XPO7: variants seen among roughly 807,000 people sequenced by gnomAD.
XPO7 encodes exportin-7.
Under a neutral mutation model 144.3 loss-of-function variants are expected in XPO7, and 21 were observed. The observed-to-expected ratio is 0.15, with a 90% CI of 0.10 to 0.21. XPO7 has a LOEUF of 0.21. XPO7 is among the 10% of genes least tolerant of loss of function. The probability of loss-of-function intolerance (pLI) is 1.00; values close to 1 mark genes in which losing one functional copy is unlikely to be tolerated. For synonymous variants in XPO7, 580 were observed against 499.6 expected (o/e 1.16, Z -2.15); for missense variants, 808 against 1,325.8 (o/e 0.61, Z 6.06).
At chr8:21,999,741 G>A in intron 24 of XPO7, 67 bp downstream of exon 24, 1 of 1,593,696 alleles carries the variant, frequency 6.3e-7, no homozygotes, top group Non-Finnish European at 8.6e-7. Context: ...AACAGAAAGA[G>A]AGAATCTTGC....
chr8:21,952,490 T>C (rs1173604044), intron 1 of XPO7, among the ~76,000 whole-genome samples: 1 of 152,230 alleles, frequency 6.6e-6, no homozygotes, highest in African/African-American at 2.4e-5. Flanking sequence ...TGCTGACTTA[T>C]CTGTAGAGAC....
At chr8:21,920,309 G>A (rs1315123902) in intron 1 of XPO7, among the ~76,000 whole-genome samples, 1 of 150,676 alleles carries the variant, frequency 6.6e-6, no homozygotes, top group East Asian at 1.9e-4. Flanking sequence ...CAGCAACCCC[G>A]GCCTCCTTCC....
intron 1 of XPO7, among the ~76,000 whole-genome samples, chr8:21,926,823 T>C (rs1438861133): frequency 6.6e-6 from 1 of 152,210 alleles, no homozygotes; most frequent in Non-Finnish European, 1.5e-5. Flanking sequence ...TTATTTAGAA[T>C]GTAATGTTCG....
chr8:22,004,102 C>G (rs1181027747), intron 27 of XPO7, 72 bp downstream of exon 27: 10 of 1,582,902 alleles, frequency 6.3e-6, no homozygotes, highest in Non-Finnish European at 7.8e-6. Flanking sequence ...CAGGCAGTTG[C>G]TTTAAAGTCT....
Position 21,987,129 on chromosome 8 carries a change from C to T in XPO7, c.1578-12C>T. The T allele has an allele frequency of 6.2e-7, 1 of 1,613,546 alleles. No homozygotes were observed. The highest frequency in any genetic ancestry group is 1.1e-5 in the South Asian group (1 of 91,054). ...CCTGCTGTTGAGAGAATCATTGCTCCTCTTCCTCCAGGGTGCTCCAGCTGA... is the reference window on the plus strand; with the variant it reads ...CCTGCTGTTGAGAGAATCATTGCTCTTCTTCCTCCAGGGTGCTCCAGCTGA... On this transcript the variant is annotated splice_polypyrimidine_tract_variant and intron_variant, in intron 13 of 27. Transcript: ENST00000252512.
At chr8:21,995,868 G>A (rs557619332) in intron 21 of XPO7, among the ~76,000 whole-genome samples, 1 of 152,248 alleles carries the variant, frequency 6.6e-6, no homozygotes, top group Admixed American at 6.5e-5. Flanking sequence ...AGGCTGGAGT[G>A]CAGTGGCACA....
At chr8:21,968,365 T>C (rs1286699951) in intron 2 of XPO7, among the ~76,000 whole-genome samples, 1 of 152,282 alleles carries the variant, frequency 6.6e-6, no homozygotes, top group Admixed American at 6.5e-5. Context: ...AAATTATAAT[T>C]GGTTGAAATT....
intron 15 of XPO7, chr8:21,988,737 G>A (rs1278252636): frequency 2.2e-6 from 1 of 450,150 alleles, no homozygotes; most frequent in Non-Finnish European, 4.1e-6. Context: ...CAGCCCTGGA[G>A]TGCCCCAGAA....
At chr8:22,003,840 G>A (rs1375272618) in intron 26 of XPO7, 63 bp from the exon 27 acceptor site, 3 of 1,604,844 alleles carry the variant, frequency 1.9e-6, no homozygotes, top group Non-Finnish European at 2.6e-6. Flanking sequence ...CCCTGCAGAT[G>A]ACGGAGGGCT....
Position 22,005,919 on chromosome 8 carries a change from A to G in XPO7, c.*831A>G. 6.6e-6 allele frequency: 1 copy of G among 152,172 alleles called. No individual in the cohort carries two copies. Among genetic ancestry groups the G allele is most frequent in the Non-Finnish European group, 1.5e-5 (1 of 68,050 alleles). The allele number at this position is 152,172 out of a possible 1,614,324, so 9.4% of individuals were successfully genotyped here. On this transcript the variant is annotated 3_prime_UTR_variant, in exon 28 of 28. Coordinates refer to ENST00000252512, the MANE Select transcript of XPO7 (RefSeq NM_015024.5). Reference sequence around the variant, plus strand: ...GATGCCTCTTGCTTTTAAAAGTTGGATTTAACGACGTGTTGTAGGGTTCTT... The same window carrying G: ...GATGCCTCTTGCTTTTAAAAGTTGGGTTTAACGACGTGTTGTAGGGTTCTT...
intron 1 of XPO7, among the ~76,000 whole-genome samples, chr8:21,921,220 G>T (rs1810275114): frequency 6.6e-6 from 1 of 152,202 alleles, no homozygotes; most frequent in South Asian, 2.1e-4. Context: ...AATATTTTAT[G>T]TGATTTTTAA....
chr8:21,987,014 T>G (rs1035807436), intron 13 of XPO7, 127 bp from the exon 14 acceptor site: 19 of 1,309,598 alleles, frequency 1.5e-5, no homozygotes, highest in Non-Finnish European at 1.9e-5. Flanking sequence ...TTTATGTAGA[T>G]GAATTTGGTT....
chr8:21,989,164 C>T, intron 16 of XPO7, 81 bp downstream of exon 16: 2 of 1,330,762 alleles, frequency 1.5e-6, no homozygotes, highest in Non-Finnish European at 2.1e-6. Flanking sequence ...CTGCTCTTTC[C>T]ACTTCAGTTT....
At position 21,999,164 on chromosome 8, in the gene XPO7, C is replaced by G. The variant is rs779685817; in HGVS notation, c.2502C>G (p.Ile834Met). ...CTCTGAAGCTCAAGGGCATCTCCAT[C>G]TGCTTCTCCATGCTGAAGGCTGCTC... is the stretch of plus-strand genomic sequence containing the variant. ...VYALKLKGIS[I>M]CFSMLKAALS... Residue 834 changes from isoleucine to methionine, a missense_variant, in exon 23 of 28, where the codon ATC (isoleucine) becomes ATG (methionine). Ile to Met is a conservative substitution (Grantham distance 10, BLOSUM62 1). Coordinates refer to ENST00000252512, the MANE Select transcript of XPO7 (RefSeq NM_015024.5). 1 of 1,614,020 alleles carries G rather than the reference C, an allele frequency of 6.2e-7. No homozygotes were observed. Among genetic ancestry groups the G allele is most frequent in the Non-Finnish European group, 8.5e-7 (1 of 1,179,898 alleles).
At chr8:21,943,317 A>G (rs967721749) in intron 1 of XPO7, among the ~76,000 whole-genome samples, 10 of 152,176 alleles carry the variant, frequency 6.6e-5, no homozygotes, top group Non-Finnish European at 1.5e-4. Flanking sequence ...TTGATATTTT[A>G]TGGCAGTTCC....
chr8:21,940,552 C>T (rs1036621203), intron 1 of XPO7, among the ~76,000 whole-genome samples: 1 of 150,892 alleles, frequency 6.6e-6, no homozygotes, highest in African/African-American at 2.4e-5. Context: ...TCACTGCAAC[C>T]TCCATCTCCT....
chr8:21,932,741 G>A (rs1301149968), intron 1 of XPO7, among the ~76,000 whole-genome samples: 3 of 152,138 alleles, frequency 2.0e-5, no homozygotes, highest in Non-Finnish European at 4.4e-5. Context: ...TGGACCACAG[G>A]TCAGTAGGCC....
At chr8:21,955,724 C>CTGTTT (rs1811513631) in intron 1 of XPO7, among the ~76,000 whole-genome samples, 1 of 102,774 alleles carries the variant, frequency 9.7e-6, no homozygotes, top group Non-Finnish European at 1.8e-5. Context: ...CTGTGCTTAC[C>CTGTTT]TTTTTTTTTT....
intron 1 of XPO7, among the ~76,000 whole-genome samples, chr8:21,923,345 T>C (rs117622735): frequency 2.0e-5 from 3 of 152,194 alleles, no homozygotes; most frequent in Non-Finnish European, 4.4e-5. Context: ...TTTCAAAACA[T>C]GCTACATCTG....
Sources: gnomAD v4.1 joint callset for allele counts (sites outside exome capture counted in the v4.1 genomes callset) on GRCh38, gnomAD v4.1.1 for gene constraint, MANE v1.5 for transcripts, NCBI Gene and HGNC (gene_info 2026-07-23, HGNC 2026-07-21) for gene names.